DLGAP1: variants seen among roughly 807,000 people sequenced by gnomAD.
DLGAP1 encodes DLG associated protein 1, also known as disks large-associated protein 1.
DLGAP1 carries 11 observed loss-of-function variants against 90.8 expected under a neutral mutation model. That is an observed-to-expected ratio of 0.12 (90% CI 0.08 to 0.20). DLGAP1 has a LOEUF of 0.20. Among genes scored for constraint, DLGAP1 ranks in the 10% least tolerant of loss-of-function variants. DLGAP1 has a pLI of 1.00. For synonymous variants in DLGAP1, 558 were observed against 540.7 expected (o/e 1.03, Z -0.44); for missense variants, 1,050 against 1,333.8 (o/e 0.79, Z 3.31).
chr18:4,258,192 AC>A (rs1228552146), intron 1 of DLGAP1, among the ~76,000 whole-genome samples: 1 of 151,918 alleles, frequency 6.6e-6, no homozygotes, highest in Non-Finnish European at 1.5e-5. Context: ...GTGCGCCACT[AC>A]GCCTGGCTAA....
intron 4 of DLGAP1, among the ~76,000 whole-genome samples, chr18:3,819,233 C>T (rs2067269218): frequency 6.6e-6 from 1 of 151,986 alleles, no homozygotes; most frequent in African/African-American, 2.4e-5. Context: ...TCGCTTGAAC[C>T]TGGGAGGCGG....
At chr18:3,628,748 A>T (rs2146145345) in intron 7 of DLGAP1, among the ~76,000 whole-genome samples, 1 of 152,324 alleles carries the variant, frequency 6.6e-6, no homozygotes, top group South Asian at 2.1e-4. Context: ...ACATATATGT[A>T]TTCTTTTGTA....
intron 4 of DLGAP1, among the ~76,000 whole-genome samples, chr18:3,875,919 C>T (rs1036595185): frequency 6.6e-5 from 10 of 151,836 alleles, no homozygotes; most frequent in Admixed American, 1.3e-4. Flanking sequence ...TAGAACGCTC[C>T]GGGAACTAGA....
At chr18:4,290,354 A>G (rs557188746) in intron 1 of DLGAP1, among the ~76,000 whole-genome samples, 3 of 152,390 alleles carry the variant, frequency 2.0e-5, no homozygotes, top group Non-Finnish European at 1.5e-5. Flanking sequence ...TGGGTGTAAA[A>G]CAGAGAATGG....
At chr18:3,702,605 A>G (rs1001958474) in intron 7 of DLGAP1, among the ~76,000 whole-genome samples, 3 of 152,136 alleles carry the variant, frequency 2.0e-5, no homozygotes, top group Non-Finnish European at 1.5e-5. Context: ...GAGGCAGGCT[A>G]TGGGATCCTA....
chr18:4,098,675 G>A (rs915144484), intron 2 of DLGAP1, among the ~76,000 whole-genome samples: 3 of 152,148 alleles, frequency 2.0e-5, no homozygotes, highest in Non-Finnish European at 4.4e-5. Flanking sequence ...GGAAATTATT[G>A]GGGATGGCAG....
chr18:4,250,516 C>T (rs1314308905), intron 1 of DLGAP1, among the ~76,000 whole-genome samples: 1 of 152,142 alleles, frequency 6.6e-6, no homozygotes, highest in Non-Finnish European at 1.5e-5. Context: ...TCATTAAGTT[C>T]CTGAGGAGCT....
At position 3,685,600 on chromosome 18, in the gene DLGAP1, C is replaced by T. The variant is rs566861214; in HGVS notation, c.1591+43535G>A. On this transcript the variant is annotated intron_variant, in intron 7 of 12. Coordinates refer to ENST00000315677, the MANE Select transcript of DLGAP1 (RefSeq NM_004746.4). ...AAAAAAAAAAAAAAAAATCCAGAGA[C>T]GGTACCCTTTAATTATTTATTTATT... 2.4e-3 allele frequency among the ~76,000 whole-genome samples: 337 copies of T among 138,674 alleles called. 1 individual carries two copies. Among genetic ancestry groups the T allele is most frequent in the Middle Eastern group, 3.8e-3 (1 of 262 alleles). 91.0% of individuals were successfully genotyped at this position (138,674 alleles called of 152,430 possible).
At chr18:4,039,505 A>C (rs1026616181) in intron 2 of DLGAP1, among the ~76,000 whole-genome samples, 1 of 152,230 alleles carries the variant, frequency 6.6e-6, no homozygotes, top group Admixed American at 6.5e-5. Context: ...TGCCTAGAAA[A>C]TTGCAAGAAA....
chr18:3,835,623 T>C (rs1306222022), intron 4 of DLGAP1, among the ~76,000 whole-genome samples: 1 of 140,530 alleles, frequency 7.1e-6, no homozygotes, highest in Non-Finnish European at 1.5e-5. Context: ...CACTCCAGTG[T>C]GGCAACAGAG....
chr18:4,218,176 C>T (rs546792055), intron 1 of DLGAP1, among the ~76,000 whole-genome samples: 2 of 150,300 alleles, frequency 1.3e-5, no homozygotes, highest in Non-Finnish European at 3.0e-5. Context: ...CACTGAACTG[C>T]CTTTGCTTCT....
At chr18:4,398,371 C>T (rs1320418387) in intron 1 of DLGAP1, among the ~76,000 whole-genome samples, 2 of 152,110 alleles carry the variant, frequency 1.3e-5, no homozygotes, top group African/African-American at 4.8e-5. Flanking sequence ...TTCACTTTCT[C>T]CAGTGACCTT....
At position 3,967,822 on chromosome 18, in the gene DLGAP1, GCTT is replaced by G. The variant is rs146190728; in HGVS notation, c.-73+37291_-73+37293del. On this transcript the variant is annotated intron_variant, in intron 3 of 12. Coordinates refer to ENST00000315677, the MANE Select transcript of DLGAP1 (RefSeq NM_004746.4). ...CCACAACTAAGTATAACTGTTAAGG[GCTT>G]CTGAGAAAATCACCCAACTATGCAG... 0.011 allele frequency among the ~76,000 whole-genome samples: 1,726 copies of G among 151,754 alleles called. 79 individuals are homozygous for G. The East Asian group carries it at 0.17, about 15-fold the overall frequency.
Position 3,508,558 on chromosome 18 carries a change from A to G in DLGAP1, c.2571+12T>C. ...ACTAGCAGGGAAATTGTAGAAGGAG[A>G]GTGTTACCTACCAGGTTTTCTTCAC... is the stretch of plus-strand genomic sequence containing the variant. On this transcript the variant is annotated intron_variant, in intron 11 of 12. Coordinates refer to ENST00000315677, the MANE Select transcript of DLGAP1 (RefSeq NM_004746.4). 6.3e-7 allele frequency: 1 copy of G among 1,596,400 alleles called. No individual in the cohort carries two copies. The highest frequency in any genetic ancestry group is 8.6e-7 in the Non-Finnish European group (1 of 1,167,768).
chr18:4,230,505 T>C (rs1386300842), intron 1 of DLGAP1, among the ~76,000 whole-genome samples: 1 of 151,986 alleles, frequency 6.6e-6, no homozygotes, highest in African/African-American at 2.4e-5. Context: ...CTGGAGGTCA[T>C]TATGTTAAGT....
At chr18:3,644,411 T>G (rs1172572669) in intron 7 of DLGAP1, among the ~76,000 whole-genome samples, 2 of 151,948 alleles carry the variant, frequency 1.3e-5, no homozygotes, top group Non-Finnish European at 2.9e-5. Flanking sequence ...TTTTATTTAT[T>G]TATTTATTTA....
rs564727383 is a variant in DLGAP1 at position 3,894,011 on chromosome 18, A to G, written c.-72-13871T>C. On this transcript the variant is annotated intron_variant, in intron 3 of 12. Transcript: ENST00000315677. ...TTTCATATGTTTATTGGCTACTTAT[A>G]TGTCTTCTTTTGAAAAATATCTGTT... Among the ~76,000 whole-genome samples the G allele has an allele frequency of 3.3e-5, 5 of 152,244 alleles. No homozygotes were observed. The South Asian group carries it at 1.0e-3, about 32-fold the overall frequency.
chr18:3,587,902 AAAAC>A (rs1426554940), intron 7 of DLGAP1, among the ~76,000 whole-genome samples: 2 of 152,382 alleles, frequency 1.3e-5, no homozygotes, highest in East Asian at 3.9e-4. Flanking sequence ...GACGTTCTCA[AAAAC>A]AATGATTTTT....
intron 7 of DLGAP1, among the ~76,000 whole-genome samples, chr18:3,616,925 A>G (rs1297220352): frequency 6.6e-6 from 1 of 152,196 alleles, no homozygotes; most frequent in African/African-American, 2.4e-5. Flanking sequence ...TTTACCAGTC[A>G]GCACATAAGT....
Sources: gnomAD v4.1 joint callset for allele counts (sites outside exome capture counted in the v4.1 genomes callset) on GRCh38, gnomAD v4.1.1 for gene constraint, MANE v1.5 for transcripts, NCBI Gene and HGNC (gene_info 2026-07-23, HGNC 2026-07-21) for gene names.